The following DDX21 variants were observed in gnomAD, a reference collection of about 807,000 sequenced individuals.
DDX21 encodes the protein nucleolar RNA helicase 2.
Under a neutral mutation model 90.0 loss-of-function variants are expected in DDX21, and 18 were observed. That is an observed-to-expected ratio of 0.20 (90% CI 0.14 to 0.30). The LOEUF is 0.30. Among genes scored for constraint, DDX21 ranks in the 10% least tolerant of loss-of-function variants. The probability of loss-of-function intolerance (pLI) is 1.00; values close to 1 mark genes in which losing one functional copy is unlikely to be tolerated. For synonymous variants in DDX21, 294 were observed against 318.0 expected (o/e 0.92, Z 0.80); for missense variants, 673 against 944.5 (o/e 0.71, Z 3.77).
chr10:68,962,931 T>C (rs1842891362), intron 3 of DDX21, among the ~76,000 whole-genome samples: 1 of 152,164 alleles, frequency 6.6e-6, no homozygotes, highest in African/African-American at 2.4e-5. Flanking sequence ...CTTTAAAGTT[T>C]GTTGATATTT....
chr10:68,974,598 T>A (rs1564629103), intron 10 of DDX21, 72 bp from the exon 11 acceptor site: 1 of 1,272,184 alleles, frequency 7.9e-7, no homozygotes, highest in Non-Finnish European at 1.1e-6. Context: ...ATTAAAAAAT[T>A]AGGGGACTGC....
rs374545503 is a variant in DDX21, at chr10:68,962,201, T to G, written c.607+44T>G. On this transcript the variant is annotated intron_variant, in intron 3 of 14. Transcript: ENST00000354185. ...TCGTATGATGTTAGAACGTATTATTTTAACAGAAGCACTCCACTATTTTTG... is the reference window on the plus strand; with the variant it reads ...TCGTATGATGTTAGAACGTATTATTGTAACAGAAGCACTCCACTATTTTTG... The G allele has an allele frequency of 1.3e-5, 18 of 1,412,318 alleles. No homozygotes were observed. The African/African-American group carries it at 2.2e-4, about 17-fold the overall frequency. 87.5% of individuals were successfully genotyped at this position (1,412,318 alleles called of 1,614,324 possible).
rs771795500 is a variant in DDX21, at chr10:68,983,638, T to C, written c.*826T>C. On this transcript the variant is annotated 3_prime_UTR_variant, in exon 15 of 15. Transcript: ENST00000354185. ...CTTCTTCCTATTGGAAGATTAACAT[T>C]ATTTACCAAGAAGGACTTAAGGGAG... The C allele has an allele frequency of 6.7e-6, 1 of 148,938 alleles. No homozygotes were observed. Among genetic ancestry groups the C allele is most frequent in the Non-Finnish European group, 1.5e-5 (1 of 67,744 alleles). The allele number at this position is 148,938 out of a possible 1,614,324, so 9.2% of individuals were successfully genotyped here. A position where few individuals can be genotyped will look rare whatever the true frequency, so the allele number is the denominator to read the frequency against.
chr10:68,961,844 C>T (rs1386080447), intron 2 of DDX21, among the ~76,000 whole-genome samples: 3 of 152,052 alleles, frequency 2.0e-5, no homozygotes, highest in African/African-American at 7.2e-5. Flanking sequence ...GATCTAGTTA[C>T]CCAGTATATA....
intron 4 of DDX21, among the ~76,000 whole-genome samples, chr10:68,964,777 C>A (rs12767134): frequency 0.12 from 17,693 of 149,982 alleles, 1,316 homozygotes; most frequent in Admixed American, 0.18. Context: ...CCTCAACATC[C>A]CAAGTAGTTG....
intron 9 of DDX21, among the ~76,000 whole-genome samples, chr10:68,973,199 GAA>G (rs550091312): frequency 2.1e-5 from 3 of 142,950 alleles, no homozygotes; most frequent in Non-Finnish European, 3.1e-5. Context: ...TGTCTCAAAA[GAA>G]AAAAAAAAGA....
chr10:68,968,815 G>A (rs977775596), intron 6 of DDX21, among the ~76,000 whole-genome samples, 161 bp from the exon 7 acceptor site: 1 of 152,128 alleles, frequency 6.6e-6, no homozygotes, highest in Non-Finnish European at 1.5e-5. Context: ...TTTGCCCATT[G>A]GGAAACCTCT....
In DDX21 at chr10:68,982,602, G is replaced by A. The variant is rs769311293; in HGVS notation, c.2142G>A (p.Leu714=). Residue 714 remains leucine (L), a synonymous_variant, in exon 15 of 15, where the codon CTG becomes CTA. Coordinates refer to ENST00000354185, the MANE Select transcript of DDX21 (RefSeq NM_004728.4). The part of the protein sequence containing the change: ...QLSVATEQPE[L]EGPREGYGGF... ...CTGTGGCCACAGAGCAACCAGAACT[G>A]GAAGGACCACGGGAAGGATATGGAG... The A allele has an allele frequency of 1.5e-5, 25 of 1,614,018 alleles. No homozygotes were observed. The highest frequency in any genetic ancestry group is 2.1e-5 in the Non-Finnish European group (25 of 1,180,042).
intron 4 of DDX21, 68 bp downstream of exon 4, chr10:68,963,537 T>C: frequency 6.3e-6 from 9 of 1,423,586 alleles, no homozygotes; most frequent in Non-Finnish European, 7.5e-6. Flanking sequence ...ATTGTGTACA[T>C]ACCCTACTAT....
intron 7 of DDX21, 112 bp downstream of exon 7, chr10:68,969,233 A>G: frequency 1.9e-6 from 2 of 1,066,564 alleles, no homozygotes; most frequent in Non-Finnish European, 2.7e-6. Flanking sequence ...AATCCATGTG[A>G]AAAGCCAAGG....
At chr10:68,966,233 C>T (rs190131377) in intron 5 of DDX21, among the ~76,000 whole-genome samples, 2 of 151,586 alleles carry the variant, frequency 1.3e-5, no homozygotes, top group Non-Finnish European at 2.9e-5. Flanking sequence ...GAGGCTCCCA[C>T]GCCCGGCTAA....
chr10:68,969,272 A>G lies in DDX21; in HGVS notation c.1236+151A>G, dbSNP rs537332294. 4 of 802,026 alleles carry G rather than the reference A, an allele frequency of 5.0e-6. No individual in the cohort carries two copies. The South Asian group carries it at 5.7e-5, about 11-fold the overall frequency. 49.7% of individuals were successfully genotyped at this position (802,026 alleles called of 1,614,324 possible). A position where few individuals can be genotyped will look rare whatever the true frequency, so the allele number is the denominator to read the frequency against. ...AATATTTCTATTTGAGCTGTATATG[A>G]TATCTGTGTTTTTATTTTTATTTTT... On this transcript the variant is annotated intron_variant, in intron 7 of 14. Coordinates refer to ENST00000354185, the MANE Select transcript of DDX21 (RefSeq NM_004728.4).
At chr10:68,973,757 T>A in intron 10 of DDX21, 93 bp downstream of exon 10, 1 of 1,481,524 alleles carries the variant, frequency 6.7e-7, no homozygotes, top group Non-Finnish European at 9.0e-7. Context: ...AATATTTTTA[T>A]TTCTAGTGTG....
At chr10:68,962,006 GTC>G (rs1271124340) in intron 2 of DDX21, 74 bp from the exon 3 acceptor site, 4 of 1,186,566 alleles carry the variant, frequency 3.4e-6, no homozygotes, top group Non-Finnish European at 4.9e-6. Flanking sequence ...AGCTTGTTTT[GTC>G]TCTTTCTCAG....
At chr10:68,973,489 C>T (rs1405915650) in intron 9 of DDX21, 56 bp from the exon 10 acceptor site, 1 of 1,608,682 alleles carries the variant, frequency 6.2e-7, no homozygotes, top group African/African-American at 1.3e-5. Context: ...ATAGGCTACT[C>T]AGGTGTTTGT....
At chr10:68,963,221 C>T (rs1002097126) in intron 3 of DDX21, 70 bp from the exon 4 acceptor site, 4 of 1,474,712 alleles carry the variant, frequency 2.7e-6, no homozygotes, top group South Asian at 2.6e-5. Context: ...GAGTAGTATA[C>T]TTCAGTATGT....
Position 68,973,618 on chromosome 10 carries a change from A to G in DDX21, c.1622A>G (p.Tyr541Cys). The G allele has an allele frequency of 1.9e-6, 3 of 1,614,184 alleles. No homozygotes were observed. The highest frequency in any genetic ancestry group is 2.5e-6 in the Non-Finnish European group (3 of 1,180,028). The part of the protein sequence containing the change: ...AGRTGVCICF[Y>C]QHKEEYQLVQ... ...AGGACGGGGGTGTGCATCTGCTTTTATCAGCACAAGGAAGAATATCAGTTA... is the reference window on the plus strand; with the variant it reads ...AGGACGGGGGTGTGCATCTGCTTTTGTCAGCACAAGGAAGAATATCAGTTA... The change falls in exon 10 of 15, where the codon TAT (tyrosine) becomes TGT (cysteine). Residue 541 changes from tyrosine (Y) to cysteine (C), a missense_variant. This residue lies in a region of DDX21 where 225 missense variants were observed against 298.8 expected (regional missense o/e 0.75). Coordinates refer to ENST00000354185, the MANE Select transcript of DDX21 (RefSeq NM_004728.4).
chr10:68,956,439 T>G, intron 1 of DDX21, 127 bp downstream of exon 1: 1 of 1,502,186 alleles, frequency 6.7e-7, no homozygotes, highest in Non-Finnish European at 8.9e-7. Flanking sequence ...ACACCGGGCG[T>G]GGGTCTTGGC....
At chr10:68,961,790 G>C (rs1044830667) in intron 2 of DDX21, among the ~76,000 whole-genome samples, 1 of 152,160 alleles carries the variant, frequency 6.6e-6, no homozygotes, top group Non-Finnish European at 1.5e-5. Flanking sequence ...GTAGATCTTA[G>C]TTGAGATCTA....
Sources: allele counts gnomAD v4.1 joint callset (sites outside exome capture counted in the v4.1 genomes callset), GRCh38; gene constraint gnomAD v4.1.1; regional missense constraint gnomAD v4.1.1; transcripts MANE v1.5; gene names NCBI Gene and HGNC (gene_info 2026-07-23, HGNC 2026-07-21).